FOXN3: variants seen among roughly 807,000 people sequenced by gnomAD.
FOXN3 encodes forkhead box N3.
FOXN3 carries 7 observed loss-of-function variants against 38.4 expected under a neutral mutation model. That is an observed-to-expected ratio of 0.18 (90% confidence interval 0.10 to 0.34). The LOEUF (loss-of-function observed/expected upper bound fraction) is 0.34, where lower values mean the gene tolerates loss of function less well. Ranked by LOEUF, FOXN3 falls within the 10% of genes least tolerant of loss-of-function variation. The pLI, the probability that FOXN3 is intolerant of heterozygous loss-of-function variation, is 1.00. For missense variants in FOXN3, 456 were observed against 613.4 expected (o/e 0.74, Z 2.71); for synonymous variants, 230 against 242.2 (o/e 0.95, Z 0.47).
At chr14:89,186,239 G>A (rs1324581118) in intron 4 of FOXN3, among the ~76,000 whole-genome samples, 1 of 152,134 alleles carries the variant, frequency 6.6e-6, no homozygotes, top group African/African-American at 2.4e-5. Context: ...TCCCTCTGCT[G>A]TGCCTGGTGT....
intron 4 of FOXN3, among the ~76,000 whole-genome samples, chr14:89,262,005 G>A (rs1885822416): frequency 6.6e-6 from 1 of 152,196 alleles, no homozygotes. Context: ...TCGGAAGGCT[G>A]AGGCAAGAGA....
intron 1 of FOXN3, among the ~76,000 whole-genome samples, chr14:89,510,250 C>T (rs1410821162): frequency 6.6e-6 from 1 of 152,200 alleles, no homozygotes; most frequent in Non-Finnish European, 1.5e-5. Flanking sequence ...CCACGCATGC[C>T]TCCTAACTGC....
At chr14:89,400,547 C>T (rs1293935131) in intron 2 of FOXN3, among the ~76,000 whole-genome samples, 1 of 152,178 alleles carries the variant, frequency 6.6e-6, no homozygotes, top group Non-Finnish European at 1.5e-5. Context: ...ATCTGCAACC[C>T]CCAACCCTGG....
rs1422564644 is a variant in FOXN3 at position 89,247,762 on chromosome 14, GC to G, written c.745+33187del. On this transcript the variant is annotated intron_variant, in intron 4 of 5. Coordinates refer to ENST00000557258, the MANE Select transcript of FOXN3 (RefSeq NM_005197.4). ...TAAAAAGTACACCAGATTTGGTTTT[GC>G]CCTTCCTCAAAACCTTCCAGTGGCT... is the stretch of plus-strand genomic sequence containing the variant. Among the ~76,000 whole-genome samples the G allele has an allele frequency of 2.0e-5, 3 of 152,062 alleles. No individual in the cohort carries two copies. The East Asian group carries it at 5.8e-4, about 29-fold the overall frequency.
At chr14:89,404,820 GA>G (rs1247391170) in intron 2 of FOXN3, among the ~76,000 whole-genome samples, 2 of 152,092 alleles carry the variant, frequency 1.3e-5, no homozygotes, top group African/African-American at 4.8e-5. Context: ...ACTTCACCCA[GA>G]GACCACAGAG....
chr14:89,568,166 C>G (rs1022190839), intron 1 of FOXN3, among the ~76,000 whole-genome samples: 4 of 151,976 alleles, frequency 2.6e-5, no homozygotes, highest in African/African-American at 9.7e-5. Flanking sequence ...ACTTTGTTTC[C>G]CTCCCCGCTT....
At chr14:89,180,991 C>T (rs972086066) in intron 4 of FOXN3, among the ~76,000 whole-genome samples, 185 bp from the exon 5 acceptor site, 2 of 149,194 alleles carry the variant, frequency 1.3e-5, no homozygotes, top group Non-Finnish European at 3.0e-5. Context: ...CATGCACAGA[C>T]ACACACTCAC....
intron 3 of FOXN3, among the ~76,000 whole-genome samples, chr14:89,319,258 T>C (rs963540911): frequency 1.3e-5 from 2 of 152,018 alleles, no homozygotes; most frequent in African/African-American, 4.8e-5. Flanking sequence ...GGACACAGCG[T>C]ACAGTCATGC....
At chr14:89,545,133 G>A (rs909574427) in intron 1 of FOXN3, among the ~76,000 whole-genome samples, 2 of 152,208 alleles carry the variant, frequency 1.3e-5, no homozygotes, top group Non-Finnish European at 2.9e-5. Context: ...CCAGGGCTCT[G>A]AATGCCATAA....
intron 1 of FOXN3, among the ~76,000 whole-genome samples, chr14:89,521,391 A>G (rs1184964321): frequency 6.6e-6 from 1 of 152,148 alleles, no homozygotes; most frequent in Non-Finnish European, 1.5e-5. Flanking sequence ...AGAGACAGAT[A>G]GAATAAAAAG....
At chr14:89,349,088 T>C (rs192592873) in intron 3 of FOXN3, among the ~76,000 whole-genome samples, 9 of 151,598 alleles carry the variant, frequency 5.9e-5, no homozygotes, top group African/African-American at 1.9e-4. Context: ...GGGGTGGGGG[T>C]AGAATGACAA....
In FOXN3 at chr14:89,266,483, C is replaced by T. The variant is rs540846515; in HGVS notation, c.745+14467G>A. On this transcript the variant is annotated intron_variant, in intron 4 of 5. Coordinates refer to ENST00000557258, the MANE Select transcript of FOXN3 (RefSeq NM_005197.4). ...GGCTTCAACATATAAATTTTGGAGG[C>T]GGCTGGGGGGGCGGTGGAGATGCAA... Among the ~76,000 whole-genome samples the T allele has an allele frequency of 5.9e-3, 902 of 152,014 alleles. 10 individuals are homozygous for T. Among genetic ancestry groups the T allele is most frequent in the African/African-American group, 0.02 (821 of 41,448 alleles).
chr14:89,592,541 G>A (rs749965486), intron 1 of FOXN3, among the ~76,000 whole-genome samples: 1 of 152,170 alleles, frequency 6.6e-6, no homozygotes, highest in Non-Finnish European at 1.5e-5. Flanking sequence ...AATGGTAGAT[G>A]GACTTCTCAA....
chr14:89,569,390 T>C (rs922846941), intron 1 of FOXN3, among the ~76,000 whole-genome samples: 4 of 152,144 alleles, frequency 2.6e-5, no homozygotes, highest in Non-Finnish European at 5.9e-5. Flanking sequence ...CCCAGTAAGA[T>C]TTCAGCCCAG....
chr14:89,195,893 A>G (rs1888086574), intron 4 of FOXN3, among the ~76,000 whole-genome samples: 1 of 152,110 alleles, frequency 6.6e-6, no homozygotes, highest in Non-Finnish European at 1.5e-5. Flanking sequence ...TACCTAAATC[A>G]TTGATTGCTG....
intron 1 of FOXN3, among the ~76,000 whole-genome samples, chr14:89,413,656 A>AGG (rs1566646619): frequency 8.4e-5 from 11 of 130,200 alleles, no homozygotes; most frequent in Admixed American, 7.5e-4. Flanking sequence ...AAGGTAAGGA[A>AGG]GAAGGGAAGG....
intron 4 of FOXN3, among the ~76,000 whole-genome samples, chr14:89,200,264 C>A (rs887060170): frequency 1.3e-5 from 2 of 152,204 alleles, no homozygotes; most frequent in African/African-American, 4.8e-5. Flanking sequence ...GTGAACCCTG[C>A]AAATTCGGAA....
At chr14:89,402,053 T>C (rs1891265400) in intron 2 of FOXN3, among the ~76,000 whole-genome samples, 2 of 152,310 alleles carry the variant, frequency 1.3e-5, no homozygotes, top group South Asian at 4.1e-4. Flanking sequence ...TCTGTAATCT[T>C]ACATAGCAAT....
intron 1 of FOXN3, among the ~76,000 whole-genome samples, chr14:89,523,461 T>A (rs1259835225): frequency 3.9e-5 from 6 of 152,200 alleles, no homozygotes; most frequent in African/African-American, 1.4e-4. Context: ...AAAACATGTA[T>A]CAATAAATGT....
Sources: gnomAD v4.1 joint callset for allele counts (sites outside exome capture counted in the v4.1 genomes callset) on GRCh38, gnomAD v4.1.1 for gene constraint, MANE v1.5 for transcripts, NCBI Gene and HGNC (gene_info 2026-07-23, HGNC 2026-07-21) for gene names.